MTR: variants seen among roughly 807,000 people sequenced by gnomAD.
MTR encodes the protein 5-methyltetrahydrofolate-homocysteine methyltransferase.
MTR carries 84 observed loss-of-function variants against 154.8 expected under a neutral mutation model. The observed-to-expected ratio is 0.54, with a 90% CI of 0.45 to 0.65. MTR has a LOEUF of 0.65. Among genes scored for constraint, MTR ranks in the 30% least tolerant of loss-of-function variants. The pLI, the probability that MTR is intolerant of heterozygous loss-of-function variation, is 0.00. For missense variants in MTR, 1,275 were observed against 1,570.2 expected (o/e 0.81, Z 3.18); for synonymous variants, 554 against 553.9 (o/e 1.00, Z 0.00).
intron 11 of MTR, among the ~76,000 whole-genome samples, chr1:236,827,584 C>T (rs1351366951): frequency 6.6e-6 from 1 of 152,098 alleles, no homozygotes; most frequent in Non-Finnish European, 1.5e-5. Context: ...TGGGCAAATA[C>T]AGGCCTCCAT....
At chr1:236,880,941 A>G (rs1284915854) in intron 25 of MTR, 105 bp downstream of exon 25, 1 of 1,163,970 alleles carries the variant, frequency 8.6e-7, no homozygotes, top group East Asian at 2.4e-5. Flanking sequence ...TCTACTAAAT[A>G]AAGGTCAAAG....
At chr1:236,807,815 C>T (rs563998750) in intron 3 of MTR, among the ~76,000 whole-genome samples, 12 of 152,248 alleles carry the variant, frequency 7.9e-5, no homozygotes, top group African/African-American at 2.9e-4. Context: ...GTACATATTT[C>T]GGCTTTGTTA....
At position 236,887,569 on chromosome 1, in the gene MTR, A is replaced by G. The variant is rs534354553; in HGVS notation, c.2851+1202A>G. ...AGGGCAAGTCTGTTTGGATTAATTC[A>G]AACATCCAAAACGTATTTTGCTGGA... On this transcript the variant is annotated intron_variant, in intron 27 of 32. Transcript: ENST00000366577. Among the ~76,000 whole-genome samples the G allele has an allele frequency of 3.3e-5, 5 of 152,314 alleles. No homozygotes were observed. In the East Asian group the frequency reaches 9.6e-4, roughly 29 times the overall value.
chr1:236,841,983 C>CG (rs940796691), intron 15 of MTR, among the ~76,000 whole-genome samples: 17 of 151,946 alleles, frequency 1.1e-4, no homozygotes, highest in South Asian at 6.2e-4. Flanking sequence ...CTCCGCCCCC[C>CG]GGGGTTCACG....
intron 30 of MTR, 101 bp downstream of exon 30, chr1:236,894,658 C>CTT (rs377058421): frequency 1.8e-3 from 1,506 of 842,842 alleles, no homozygotes; most frequent in Non-Finnish European, 2.1e-3. Context: ...GAACCAGTGT[C>CTT]TTTTTTTTTT....
chr1:236,835,683 C>G lies in MTR; in HGVS notation c.1325C>G (p.Ala442Gly). ...TTAATTGCTTCCGAGCCAGACATCG[C>G]AAAGGTTATACAAAGTTTATGTTTA... ...CNLIASEPDI[A>G]KVPLCIDSSN... The change falls in exon 14 of 33, where the codon GCA (alanine) becomes GGA (glycine). Residue 442 changes from alanine (A) to glycine (G), a missense_variant. Ala to Gly is a moderately conservative substitution (Grantham distance 60). Coordinates refer to ENST00000366577, the MANE Select transcript of MTR (RefSeq NM_000254.3). The G allele has an allele frequency of 3.7e-6, 6 of 1,612,884 alleles. No homozygotes were observed. The highest frequency in any genetic ancestry group is 5.1e-6 in the Non-Finnish European group (6 of 1,179,824).
intron 5 of MTR, among the ~76,000 whole-genome samples, chr1:236,811,121 T>G (rs1471383398): frequency 1.3e-5 from 2 of 152,096 alleles, no homozygotes; most frequent in African/African-American, 4.8e-5. Context: ...GAGGAGCAAG[T>G]CACGTCTTAC....
intron 3 of MTR, among the ~76,000 whole-genome samples, 173 bp from the exon 4 acceptor site, chr1:236,808,531 C>T (rs1467755661): frequency 3.9e-5 from 6 of 152,218 alleles, no homozygotes; most frequent in Non-Finnish European, 7.3e-5. Flanking sequence ...TTCCTTGCTG[C>T]CTTTCAAGTC....
chr1:236,851,930 A>G (rs1426987211), intron 16 of MTR, among the ~76,000 whole-genome samples: 1 of 152,178 alleles, frequency 6.6e-6, no homozygotes, highest in Non-Finnish European at 1.5e-5. Flanking sequence ...TGAACAATGC[A>G]GCTCTGAGTA....
chr1:236,861,314 T>G (rs1664532879), intron 20 of MTR, 37 bp downstream of exon 20: 1 of 1,613,432 alleles, frequency 6.2e-7, no homozygotes, highest in Non-Finnish European at 8.5e-7. Context: ...CACAGTTGCA[T>G]CTTTTCTTTG....
chr1:236,849,241 C>T (rs1241902351), intron 15 of MTR, among the ~76,000 whole-genome samples: 1 of 152,160 alleles, frequency 6.6e-6, no homozygotes, highest in East Asian at 1.9e-4. Context: ...TAATGTTGAG[C>T]ACCTACTTTG....
intron 21 of MTR, among the ~76,000 whole-genome samples, 185 bp downstream of exon 21, chr1:236,862,528 T>C (rs1664602766): frequency 6.6e-6 from 1 of 152,224 alleles, no homozygotes; most frequent in Admixed American, 6.5e-5. Flanking sequence ...CTTTTGAATG[T>C]AGCTTTATAA....
At chr1:236,824,261 A>ACATAAGAC in intron 9 of MTR, 42 bp downstream of exon 9, 1 of 1,457,870 alleles carries the variant, frequency 6.9e-7, no homozygotes, top group South Asian at 1.1e-5. Context: ...GATAAAAATA[A>ACATAAGAC]CATAAGACAT....
At chr1:236,870,061 C>A (rs1665039090) in intron 22 of MTR, among the ~76,000 whole-genome samples, 1 of 152,188 alleles carries the variant, frequency 6.6e-6, no homozygotes, top group Non-Finnish European at 1.5e-5. Context: ...GAAACCCATT[C>A]TCTTTCCTGC....
At chr1:236,816,392 T>A (rs1661593725) in intron 7 of MTR, 57 bp from the exon 8 acceptor site, 2 of 1,443,502 alleles carry the variant, frequency 1.4e-6, no homozygotes, top group African/African-American at 2.8e-5. Flanking sequence ...TTTGCCTTTA[T>A]ATCTATATTC....
chr1:236,889,669 C>T (rs952287839), intron 28 of MTR, among the ~76,000 whole-genome samples: 4 of 152,198 alleles, frequency 2.6e-5, no homozygotes, highest in Non-Finnish European at 2.9e-5. Context: ...CCTGCCTGGG[C>T]TCCTGTGGAC....
chr1:236,799,224 C>A (rs1660571057), intron 1 of MTR, among the ~76,000 whole-genome samples: 1 of 152,000 alleles, frequency 6.6e-6, no homozygotes, highest in African/African-American at 2.4e-5. Flanking sequence ...CAGGCTCAAG[C>A]AGTTTTCTTG....
At chr1:236,821,584 T>G (rs1024013253) in intron 8 of MTR, among the ~76,000 whole-genome samples, 1 of 152,076 alleles carries the variant, frequency 6.6e-6, no homozygotes, top group African/African-American at 2.4e-5. Context: ...TAGTTACCAG[T>G]TTTTTTTCTT....
At position 236,894,509 on chromosome 1, in the gene MTR, C is replaced by T. The variant is rs542920724; in HGVS notation, c.3357C>T (p.Asp1119=). 35 of 1,614,086 alleles carry T rather than the reference C, an allele frequency of 2.2e-5. No individual in the cohort carries two copies. Among genetic ancestry groups the T allele is most frequent in the African/African-American group, 1.7e-4 (13 of 74,992 alleles). Residue 1119 remains aspartate (D), a synonymous_variant, in exon 30 of 33, where the codon GAC becomes GAT. Coordinates refer to ENST00000366577, the MANE Select transcript of MTR (RefSeq NM_000254.3). ...GCAAGGCCTATGAGGATGATGGTGA[C>T]GACTACAGCAGCATCATGGTCAAGG... ...ELSKAYEDDG[D]DYSSIMVKAL...
Sources: allele counts gnomAD v4.1 joint callset (sites outside exome capture counted in the v4.1 genomes callset), GRCh38; gene constraint gnomAD v4.1.1; transcripts MANE v1.5; gene names NCBI Gene and HGNC (gene_info 2026-07-23, HGNC 2026-07-21).